The following CADM1 variants were observed in gnomAD, a reference collection of about 807,000 sequenced individuals.
The protein encoded by CADM1 is TSLC-1.
CADM1 carries 15 observed loss-of-function variants against 53.1 expected under a neutral mutation model. That is an observed-to-expected ratio of 0.28 (90% CI 0.19 to 0.44). The LOEUF is 0.44. Among genes scored for constraint, CADM1 ranks in the 20% least tolerant of loss-of-function variants. The pLI, the probability that CADM1 is intolerant of heterozygous loss-of-function variation, is 1.00. For synonymous variants in CADM1, 281 were observed against 243.0 expected, an observed-to-expected ratio of 1.16 and a Z score of -1.45; for missense variants, 434 against 611.3, an observed-to-expected ratio of 0.71 and a Z score of 3.06.
chr11:115,495,635 A>T (rs1386058686), intron 1 of CADM1, among the ~76,000 whole-genome samples: 2 of 152,122 alleles, frequency 1.3e-5, no homozygotes, highest in Admixed American at 1.3e-4. Flanking sequence ...AAATTCCTAG[A>T]CCTGTCCCGA....
intron 7 of CADM1, among the ~76,000 whole-genome samples, chr11:115,214,095 G>C (rs528553629): frequency 6.6e-6 from 1 of 152,244 alleles, no homozygotes; most frequent in South Asian, 2.1e-4. Context: ...TTGTTCTGAA[G>C]CAGTAGCTAC....
intron 1 of CADM1, among the ~76,000 whole-genome samples, chr11:115,378,490 AAAG>A (rs1345395329): frequency 6.6e-6 from 1 of 152,154 alleles, no homozygotes; most frequent in African/African-American, 2.4e-5. Flanking sequence ...GCAAACCATC[AAAG>A]AAGTATAAGT....
chr11:115,480,619 T>C (rs959843222), intron 1 of CADM1, among the ~76,000 whole-genome samples: 3 of 152,170 alleles, frequency 2.0e-5, no homozygotes, highest in Admixed American at 6.5e-5. Flanking sequence ...CAGACAAGGA[T>C]AATCAGCACA....
intron 1 of CADM1, among the ~76,000 whole-genome samples, chr11:115,334,260 A>G (rs1404636016): frequency 6.6e-6 from 1 of 152,192 alleles, no homozygotes; most frequent in Non-Finnish European, 1.5e-5. Flanking sequence ...GTGTGGACCT[A>G]AACTCCACAT....
intron 1 of CADM1, among the ~76,000 whole-genome samples, chr11:115,311,832 T>C (rs1157330444): frequency 6.6e-6 from 1 of 152,150 alleles, no homozygotes; most frequent in Non-Finnish European, 1.5e-5. Flanking sequence ...CTAAGATTAA[T>C]CAGATGAGCA....
intron 7 of CADM1, 54 bp from the exon 8 acceptor site, chr11:115,209,711 C>T (rs1176728538): frequency 1.8e-5 from 29 of 1,600,046 alleles, no homozygotes; most frequent in Middle Eastern, 1.7e-4. Flanking sequence ...ACAACAATGA[C>T]CAGTAATGAC....
intron 7 of CADM1, among the ~76,000 whole-genome samples, chr11:115,213,692 T>A (rs1202860405): frequency 1.3e-5 from 2 of 152,224 alleles, no homozygotes; most frequent in African/African-American, 4.8e-5. Flanking sequence ...TACTTATATT[T>A]GGATTATTTA....
intron 1 of CADM1, among the ~76,000 whole-genome samples, chr11:115,249,546 T>C (rs1356248103): frequency 1.3e-5 from 2 of 152,192 alleles, no homozygotes; most frequent in African/African-American, 2.4e-5. Flanking sequence ...TATTCACAAC[T>C]AAAACAAAAG....
At chr11:115,206,538 C>T (rs957121506) in intron 8 of CADM1, among the ~76,000 whole-genome samples, 1 of 152,074 alleles carries the variant, frequency 6.6e-6, no homozygotes, top group African/African-American at 2.4e-5. Flanking sequence ...GTCTGCCTTC[C>T]TAACAAGGGG....
In CADM1 at chr11:115,173,608, A is replaced by G; in HGVS notation, c.*2866T>C. On this transcript the variant is annotated 3_prime_UTR_variant, in exon 12 of 12. Coordinates refer to ENST00000331581, the MANE Select transcript of CADM1 (RefSeq NM_001301043.2). ...ACTCGGAGGCGTCCATAAGAAGTCC[A>G]TAAAGAGATTAAAGGATCACTTTGT... 1 of 263,068 alleles carries G rather than the reference A, an allele frequency of 3.8e-6. No homozygotes were observed. The highest frequency in any genetic ancestry group is 5.9e-6 in the Non-Finnish European group (1 of 169,412). The allele number at this position is 263,068 out of a possible 1,614,324, so 16.3% of individuals were successfully genotyped here.
At chr11:115,312,848 A>AG (rs2135166626) in intron 1 of CADM1, among the ~76,000 whole-genome samples, 1 of 152,306 alleles carries the variant, frequency 6.6e-6, no homozygotes, top group South Asian at 2.1e-4. Context: ...GTCTAACCAC[A>AG]GGTTAAAATG....
At chr11:115,412,672 T>C (rs573116642) in intron 1 of CADM1, among the ~76,000 whole-genome samples, 3 of 152,230 alleles carry the variant, frequency 2.0e-5, no homozygotes, top group African/African-American at 7.2e-5. Flanking sequence ...CTGTGCCACT[T>C]TTGTGCCGAC....
At chr11:115,402,966 A>G (rs1947200929) in intron 1 of CADM1, among the ~76,000 whole-genome samples, 1 of 152,232 alleles carries the variant, frequency 6.6e-6, no homozygotes, top group Admixed American at 6.5e-5. Flanking sequence ...TGTGGAAAGG[A>G]TGATGGGAAT....
chr11:115,314,575 C>A (rs1421581975), intron 1 of CADM1, among the ~76,000 whole-genome samples: 1 of 152,122 alleles, frequency 6.6e-6, no homozygotes, highest in Non-Finnish European at 1.5e-5. Flanking sequence ...GCTCATTCCT[C>A]GTTTGTATAT....
At chr11:115,446,100 G>A (rs1227806742) in intron 1 of CADM1, among the ~76,000 whole-genome samples, 1 of 152,078 alleles carries the variant, frequency 6.6e-6, no homozygotes, top group Non-Finnish European at 1.5e-5. Flanking sequence ...TGCCTTCAAG[G>A]AGCTTACAAT....
At position 115,176,294 on chromosome 11, in the gene CADM1, G is replaced by A; in HGVS notation, c.*180C>T. On this transcript the variant is annotated 3_prime_UTR_variant, in exon 12 of 12. Transcript: ENST00000331581. Reference sequence around the variant, plus strand: ...GAAAAAAGAGGTGTCAAACAGCAGAGTGTACTTTCCAAAGAACATTTTTTT... The same window carrying A: ...GAAAAAAGAGGTGTCAAACAGCAGAATGTACTTTCCAAAGAACATTTTTTT... 1 of 1,452,020 alleles carries A rather than the reference G, an allele frequency of 6.9e-7. No homozygotes were observed. Among genetic ancestry groups the A allele is most frequent in the Non-Finnish European group, 9.1e-7 (1 of 1,100,066 alleles). The allele number at this position is 1,452,020 out of a possible 1,614,324, so 89.9% of individuals were successfully genotyped here.
intron 1 of CADM1, among the ~76,000 whole-genome samples, chr11:115,434,863 A>ATTTTTTT (rs71066429): frequency 7.8e-6 from 1 of 128,742 alleles, no homozygotes; most frequent in African/African-American, 3.0e-5. Context: ...TATTATTATT[A>ATTTTTTT]TTTTTTTTTT....
intron 1 of CADM1, among the ~76,000 whole-genome samples, chr11:115,338,975 A>T (rs1181654360): frequency 7.1e-6 from 1 of 141,060 alleles, no homozygotes; most frequent in East Asian, 2.1e-4. Flanking sequence ...TACATGTGCC[A>T]TGCCGGTGCG....
At chr11:115,255,179 G>C (rs1942744682) in intron 1 of CADM1, among the ~76,000 whole-genome samples, 1 of 152,184 alleles carries the variant, frequency 6.6e-6, no homozygotes. Context: ...AGCGTTACTT[G>C]CCTCTATAAA....
Sources: gnomAD v4.1 joint callset for allele counts (sites outside exome capture counted in the v4.1 genomes callset) on GRCh38, gnomAD v4.1.1 for gene constraint, MANE v1.5 for transcripts, NCBI Gene and HGNC (gene_info 2026-07-23, HGNC 2026-07-21) for gene names.